CADM1: variants seen among roughly 807,000 people sequenced by gnomAD.
The protein encoded by CADM1 is cell adhesion molecule 1.
A neutral mutation model predicts 53.1 loss-of-function variants in CADM1; 15 were observed. That is an observed-to-expected ratio of 0.28 (90% CI 0.19 to 0.44). CADM1 has a LOEUF of 0.44. Among genes scored for constraint, CADM1 ranks in the 20% least tolerant of loss-of-function variants. The pLI is 1.00. For synonymous variants in CADM1, 281 were observed against 243.0 expected, an observed-to-expected ratio of 1.16 and a Z score of -1.45; for missense variants, 434 against 611.3, an observed-to-expected ratio of 0.71 and a Z score of 3.06.
At chr11:115,333,525 A>G (rs1945185543) in intron 1 of CADM1, 1 of 152,202 alleles carries the variant, frequency 6.6e-6, no homozygotes, top group Non-Finnish European at 1.5e-5. Flanking sequence ...GAGTTTTCTC[A>G]AAAACACACA....
At chr11:115,190,548 G>T in intron 10 of CADM1, 5 of 199,038 alleles carry the variant, frequency 2.5e-5, no homozygotes, top group Non-Finnish European at 4.1e-5. Context: ...TCCTTAAATT[G>T]CTTTGTAATA....
intron 5 of CADM1, among the ~76,000 whole-genome samples, chr11:115,220,624 G>A (rs1015592526): frequency 1.3e-5 from 2 of 152,142 alleles, no homozygotes; most frequent in East Asian, 3.9e-4. Context: ...GACACATGCA[G>A]TATTTATAGG....
At chr11:115,437,338 C>A (rs220853) in intron 1 of CADM1, among the ~76,000 whole-genome samples, 23,368 of 152,050 alleles carry the variant, frequency 0.15, 1,987 homozygotes, top group Non-Finnish European at 0.18. Flanking sequence ...ACGGGGAAGA[C>A]AGCTGGGCCT....
chr11:115,233,727 A>AT (rs1941909662), intron 3 of CADM1, among the ~76,000 whole-genome samples: 3 of 152,194 alleles, frequency 2.0e-5, no homozygotes, highest in Admixed American at 2.0e-4. Context: ...AAAAAAAAAA[A>AT]TACCTTTCAA....
At chr11:115,231,331 T>C (rs547973804) in intron 4 of CADM1, 22 bp downstream of exon 4, 1 of 1,613,948 alleles carries the variant, frequency 6.2e-7, no homozygotes, top group Non-Finnish European at 8.5e-7. Flanking sequence ...ACTACTTCAG[T>C]GTGTGGCAAT....
Position 115,235,081 on chromosome 11 carries a change from A to G in CADM1, c.424+3419T>C, listed in dbSNP as rs1941965024. Among the ~76,000 whole-genome samples the G allele has an allele frequency of 2.0e-5, 3 of 152,010 alleles. No homozygotes were observed. In the South Asian group the frequency reaches 6.2e-4, roughly 31 times the overall value. ...AGGTTAGAAGAAGAAACAGGCATGT[A>G]TACTGGGAGTTGTTTGGTTTATAAA... On this transcript the variant is annotated intron_variant, in intron 3 of 11. Coordinates refer to ENST00000331581, the MANE Select transcript of CADM1 (RefSeq NM_001301043.2).
chr11:115,312,723 C>A (rs1312759879), intron 1 of CADM1, among the ~76,000 whole-genome samples: 1 of 152,068 alleles, frequency 6.6e-6, no homozygotes, highest in African/African-American at 2.4e-5. Context: ...GTGCTAACAC[C>A]TAAAACATCA....
intron 1 of CADM1, among the ~76,000 whole-genome samples, chr11:115,398,338 G>A (rs1229855638): frequency 6.6e-6 from 1 of 152,184 alleles, no homozygotes; most frequent in Non-Finnish European, 1.5e-5. Context: ...CTTGGCCCCA[G>A]CATCTCCTTA....
At chr11:115,348,514 C>A (rs773732362) in intron 1 of CADM1, among the ~76,000 whole-genome samples, 9 of 152,148 alleles carry the variant, frequency 5.9e-5, no homozygotes, top group Non-Finnish European at 1.0e-4. Context: ...TACTTGAAAT[C>A]TTGGGTTATG....
chr11:115,399,634 A>G (rs548137572), intron 1 of CADM1: 1 of 152,336 alleles, frequency 6.6e-6, no homozygotes, highest in East Asian at 1.9e-4. Context: ...CCTGAGCACC[A>G]TAGTATAAAA....
At chr11:115,460,979 A>G (rs931971146) in intron 1 of CADM1, among the ~76,000 whole-genome samples, 12 of 151,450 alleles carry the variant, frequency 7.9e-5, no homozygotes, top group African/African-American at 2.9e-4. Flanking sequence ...ACAATTAGCA[A>G]AAGATCTTTA....
intron 1 of CADM1, among the ~76,000 whole-genome samples, chr11:115,329,765 G>A (rs1945082871): frequency 2.0e-5 from 3 of 152,096 alleles, no homozygotes; most frequent in African/African-American, 7.2e-5. Context: ...GGTAAATGCG[G>A]AGGATTTTAT....
chr11:115,383,772 T>C (rs1243552470), intron 1 of CADM1, among the ~76,000 whole-genome samples: 1 of 152,242 alleles, frequency 6.6e-6, no homozygotes, highest in Non-Finnish European at 1.5e-5. Context: ...GAAACACAGA[T>C]TTTATTAAAA....
At chr11:115,366,615 G>A (rs1426017335) in intron 1 of CADM1, among the ~76,000 whole-genome samples, 1 of 152,152 alleles carries the variant, frequency 6.6e-6, no homozygotes, top group African/African-American at 2.4e-5. Context: ...GTAAAAAATG[G>A]CACTAGAGAA....
At chr11:115,365,309 T>G (rs536559460) in intron 1 of CADM1, among the ~76,000 whole-genome samples, 1 of 152,322 alleles carries the variant, frequency 6.6e-6, no homozygotes, top group East Asian at 1.9e-4. Flanking sequence ...TTCATCAAAA[T>G]GAGTCATTAA....
intron 1 of CADM1, among the ~76,000 whole-genome samples, chr11:115,498,147 C>G (rs1351252579): frequency 6.6e-6 from 1 of 152,028 alleles, no homozygotes; most frequent in East Asian, 1.9e-4. Flanking sequence ...AAGGTAGTAA[C>G]CTTTTCTCTC....
chr11:115,373,583 C>CAAAAAAA (rs35059216), intron 1 of CADM1, among the ~76,000 whole-genome samples: 18 of 48,806 alleles, frequency 3.7e-4, no homozygotes, highest in East Asian at 1.1e-3. Flanking sequence ...GACTCTGTCT[C>CAAAAAAA]AAAAAAAAAA....
intron 1 of CADM1, among the ~76,000 whole-genome samples, chr11:115,362,232 A>T (rs1461053997): frequency 6.6e-6 from 1 of 152,182 alleles, no homozygotes; most frequent in Non-Finnish European, 1.5e-5. Context: ...AGAATTGCCT[A>T]AGAAGCACTT....
At chr11:115,382,834 T>C (rs1357203181) in intron 1 of CADM1, among the ~76,000 whole-genome samples, 1 of 152,174 alleles carries the variant, frequency 6.6e-6, no homozygotes, top group Non-Finnish European at 1.5e-5. Context: ...GTATCATCCT[T>C]AGAGATGGTA....
Sources: gnomAD v4.1 joint callset for allele counts (sites outside exome capture counted in the v4.1 genomes callset) on GRCh38, gnomAD v4.1.1 for gene constraint, MANE v1.5 for transcripts, NCBI Gene and HGNC (gene_info 2026-07-23, HGNC 2026-07-21) for gene names.